IPO8: variants seen among roughly 807,000 people sequenced by gnomAD.
IPO8 encodes the protein importin 8.
In IPO8, 65 loss-of-function variants were observed where a neutral mutation model predicts 141.2. That is an observed-to-expected ratio of 0.46 (90% confidence interval 0.38 to 0.57). The LOEUF is 0.57. Among genes scored for constraint, IPO8 ranks in the 20% least tolerant of loss-of-function variants. The probability of loss-of-function intolerance (pLI) is 0.00; values close to 1 mark genes in which losing one functional copy is unlikely to be tolerated. For missense variants in IPO8, 980 were observed against 1,246.8 expected, an observed-to-expected ratio of 0.79 and a Z score of 3.22; for synonymous variants, 411 against 420.3, an observed-to-expected ratio of 0.98 and a Z score of 0.27.
chr12:30,671,307 CT>C (rs1482493238), intron 8 of IPO8, among the ~76,000 whole-genome samples: 1 of 152,130 alleles, frequency 6.6e-6, no homozygotes, highest in Non-Finnish European at 1.5e-5. Flanking sequence ...CTCATTGTAA[CT>C]TCCAGGCAAA....
chr12:30,668,621 T>C (rs1287814349), intron 10 of IPO8, among the ~76,000 whole-genome samples: 1 of 152,170 alleles, frequency 6.6e-6, no homozygotes, highest in Non-Finnish European at 1.5e-5. Flanking sequence ...GAGTGTTCCA[T>C]GAAGCAATTA....
At position 30,676,502 on chromosome 12, in the gene IPO8, G is replaced by C. The variant is rs1319178378; in HGVS notation, c.725C>G (p.Pro242Arg). 6.2e-7 allele frequency: 1 copy of C among 1,610,008 alleles called. No homozygotes were observed. The highest frequency in any genetic ancestry group is 1.3e-5 in the African/African-American group (1 of 74,814). Residue 242 changes from proline to arginine, a missense_variant, in exon 6 of 25, where the codon CCT becomes CGT. Pro to Arg is a moderately radical substitution (Grantham distance 103, BLOSUM62 -2). Transcript: ENST00000256079. Reference sequence around the variant, plus strand: ...TTGGGAAAAGCTTTTTCTTACAGGAGGAACGGTCCTGTCGATAATAGTTCG... The same window carrying C: ...TTGGGAAAAGCTTTTTCTTACAGGACGAACGGTCCTGTCGATAATAGTTCG... Reference protein sequence around the residue: ...IFRTIIDRTVPPETLHIDEDD... With the variant: ...IFRTIIDRTVRPETLHIDEDD...
Position 30,630,889 on chromosome 12 carries a change from TAA to T in IPO8, c.3083_3084del (p.Phe1028Ter), listed in dbSNP as rs1451326283. ...TFENKGVLSA[F>X]NFGTVPSNN ...TTGTTGCTGGGCACAGTCCCAAAAT[TAA>T]ATGCGGAGAGGACTCCTTTGTTTTC... is the stretch of plus-strand genomic sequence containing the variant. On this transcript the variant is annotated frameshift_variant, in exon 25 of 25. Coordinates refer to ENST00000256079, the MANE Select transcript of IPO8 (RefSeq NM_006390.4). LOFTEE classifies it high-confidence loss of function. The T allele has an allele frequency of 1.2e-6, 2 of 1,613,714 alleles. No individual in the cohort carries two copies. Among genetic ancestry groups the T allele is most frequent in the Non-Finnish European group, 1.7e-6 (2 of 1,179,886 alleles).
intron 6 of IPO8, among the ~76,000 whole-genome samples, chr12:30,675,894 C>A (rs1266509894): frequency 1.3e-5 from 2 of 150,912 alleles, no homozygotes; most frequent in African/African-American, 4.9e-5. Flanking sequence ...TAAAAGCATT[C>A]ATAATCATAA....
At chr12:30,642,168 C>T (rs139448784) in intron 20 of IPO8, among the ~76,000 whole-genome samples, 60 of 152,184 alleles carry the variant, frequency 3.9e-4, no homozygotes, top group African/African-American at 1.2e-3. Context: ...TTGCACTCCA[C>T]TCCAGCCTGG....
At chr12:30,640,968 T>C (rs1203727104) in intron 20 of IPO8, among the ~76,000 whole-genome samples, 1 of 152,190 alleles carries the variant, frequency 6.6e-6, no homozygotes, top group African/African-American at 2.4e-5. Flanking sequence ...TCTATAAACA[T>C]ACAATTATGT....
chr12:30,661,695 T>C (rs978862185), intron 15 of IPO8, among the ~76,000 whole-genome samples: 2 of 149,008 alleles, frequency 1.3e-5, no homozygotes, highest in African/African-American at 4.9e-5. Context: ...TGATTCTCCA[T>C]ATCAGGAAAT....
intron 17 of IPO8, among the ~76,000 whole-genome samples, chr12:30,653,369 TA>T (rs2052754531): frequency 6.6e-6 from 1 of 152,100 alleles, no homozygotes; most frequent in East Asian, 1.9e-4. Flanking sequence ...TTTTCTATTT[TA>T]TAATCTATAT....
chr12:30,646,743 T>C (rs1049439739), intron 20 of IPO8, among the ~76,000 whole-genome samples: 2 of 152,066 alleles, frequency 1.3e-5, no homozygotes, highest in African/African-American at 4.8e-5. Context: ...AAAGAAAATA[T>C]ATAAAAATAT....
chr12:30,653,069 G>A lies in IPO8; in HGVS notation c.1972C>T (p.Leu658=), dbSNP rs2052749914. The A allele has an allele frequency of 1.2e-6, 2 of 1,609,254 alleles. No homozygotes were observed. Among genetic ancestry groups the A allele is most frequent in the Non-Finnish European group, 1.7e-6 (2 of 1,178,076 alleles). ...VIEFYEEILS[L]AYSLTCHSIS... is the part of the protein sequence containing the mutation. ...CTGTGGCAGGTTAAACTGTATGCCA[G>A]GGAAAGAATTTCTTCATAGAATTCT... The change falls in exon 18 of 25, where the codon CTG becomes TTG. Residue 658 remains leucine (L), a synonymous_variant. Coordinates refer to ENST00000256079, the MANE Select transcript of IPO8 (RefSeq NM_006390.4).
At chr12:30,685,132 GCTTTT>G (rs1443482017) in intron 2 of IPO8, among the ~76,000 whole-genome samples, 2 of 151,078 alleles carry the variant, frequency 1.3e-5, no homozygotes, top group African/African-American at 2.4e-5. Flanking sequence ...AGAATGTGAA[GCTTTT>G]CTTTTCTTTT....
At chr12:30,676,816 TA>T in intron 5 of IPO8, 1 of 1,069,184 alleles carries the variant, frequency 9.4e-7, no homozygotes, top group Non-Finnish European at 1.4e-6. Context: ...GTCTACTTTT[TA>T]AAAGGAAAAA....
intron 23 of IPO8, among the ~76,000 whole-genome samples, chr12:30,633,140 A>G (rs754788482): frequency 6.6e-6 from 1 of 152,114 alleles, no homozygotes; most frequent in Non-Finnish European, 1.5e-5. Context: ...TCTGCCTCCA[A>G]TTCCTCTGAA....
Position 30,695,556 on chromosome 12 carries a change from C to G in IPO8, c.84+8G>C, listed in dbSNP as rs201826484. The G allele has an allele frequency of 6.2e-7, 1 of 1,613,502 alleles. No individual in the cohort carries two copies. The highest frequency in any genetic ancestry group is 2.2e-5 in the East Asian group (1 of 44,814). On this transcript the variant is annotated splice_region_variant and intron_variant, in intron 1 of 24. Coordinates refer to ENST00000256079, the MANE Select transcript of IPO8 (RefSeq NM_006390.4). This position sits in a 1 kb window ranked among gnomAD's most constrained non-coding sequence, Gnocchi z 4.2. ...GCGGAAGAGGGTCGCCGAAGACCCT[C>G]TCCTCACCTGGTTGAGCTCGTTCTC...
At chr12:30,658,934 G>A (rs2052841414) in intron 16 of IPO8, among the ~76,000 whole-genome samples, 1 of 136,624 alleles carries the variant, frequency 7.3e-6, no homozygotes, top group African/African-American at 2.8e-5. Flanking sequence ...AGGCTGGAGT[G>A]CAATGGCATG....
At chr12:30,655,937 G>A (rs532051110) in intron 17 of IPO8, among the ~76,000 whole-genome samples, 1 of 152,134 alleles carries the variant, frequency 6.6e-6, no homozygotes, top group South Asian at 2.1e-4. Context: ...GCTTGAATAC[G>A]ATGGAAGACT....
In IPO8 at chr12:30,665,678, T is replaced by C. The variant is rs773899699; in HGVS notation, c.1338+51A>G. On this transcript the variant is annotated intron_variant, in intron 12 of 24. Coordinates refer to ENST00000256079, the MANE Select transcript of IPO8 (RefSeq NM_006390.4). ...GCCATAACTTTCATATTCTCTCATT[T>C]GCCTGTACTTTACAATGTTATTAAG... The C allele has an allele frequency of 3.5e-6, 4 of 1,149,606 alleles. No homozygotes were observed. In the African/African-American group the frequency reaches 4.6e-5, roughly 13 times the overall value. The allele number at this position is 1,149,606 out of a possible 1,614,324, so 71.2% of individuals were successfully genotyped here.
intron 15 of IPO8, 92 bp from the exon 16 acceptor site, chr12:30,661,358 G>A (rs1022348949): frequency 2.5e-6 from 3 of 1,211,052 alleles, no homozygotes; most frequent in Non-Finnish European, 3.3e-6. Context: ...TCACACATCT[G>A]AAGTCTGCAT....
At chr12:30,662,024 A>G (rs1186220250) in intron 15 of IPO8, among the ~76,000 whole-genome samples, 1 of 152,208 alleles carries the variant, frequency 6.6e-6, no homozygotes, top group African/African-American at 2.4e-5. Context: ...GAATGTACTT[A>G]GGCAAATCTA....
Sources: gnomAD v4.1 joint callset for allele counts (sites outside exome capture counted in the v4.1 genomes callset) on GRCh38, gnomAD v4.1.1 for gene constraint, Gnocchi (gnomAD v3.1) non-coding constraint, MANE v1.5 for transcripts, NCBI Gene and HGNC (gene_info 2026-07-23, HGNC 2026-07-21) for gene names.